Variants in KLHL32 observed in about 807,000 individuals in gnomAD.
KLHL32 encodes the protein kelch like family member 32.
In KLHL32, 35 loss-of-function variants were observed where a neutral mutation model predicts 64.8. That is an observed-to-expected ratio of 0.54 (90% CI 0.41 to 0.72). KLHL32 has a LOEUF of 0.72. Among genes scored for constraint, KLHL32 ranks in the 30% least tolerant of loss-of-function variants. The pLI is 0.00. For missense variants in KLHL32, 589 were observed against 768.5 expected (o/e 0.77, Z 2.76); for synonymous variants, 259 against 281.0 (o/e 0.92, Z 0.78).
At chr6:96,999,507 G>A in intron 3 of KLHL32, 1 of 964,952 alleles carries the variant, frequency 1.0e-6, no homozygotes, top group Non-Finnish European at 1.2e-6. Context: ...CACCATATTT[G>A]ATGGAATTTT....
chr6:97,001,297 T>C (rs1436934481), intron 3 of KLHL32, among the ~76,000 whole-genome samples: 8 of 152,312 alleles, frequency 5.3e-5, no homozygotes, highest in African/African-American at 1.9e-4. Context: ...CTCTATACTT[T>C]CTACTCAGTT....
chr6:97,103,624 T>C (rs1796035920), intron 6 of KLHL32, among the ~76,000 whole-genome samples: 1 of 152,252 alleles, frequency 6.6e-6, no homozygotes, highest in South Asian at 2.1e-4. Flanking sequence ...TATTATTCAG[T>C]TTCATGATAT....
chr6:97,041,116 G>T (rs1785048521), intron 3 of KLHL32, among the ~76,000 whole-genome samples: 1 of 152,220 alleles, frequency 6.6e-6, no homozygotes, highest in Non-Finnish European at 1.5e-5. Context: ...GAAGTCAGAA[G>T]ATGAAGGCTT....
chr6:97,113,666 A>C lies in KLHL32; in HGVS notation c.628-117A>C, dbSNP rs538105453. 22 of 1,313,920 alleles carry C rather than the reference A, an allele frequency of 1.7e-5. No individual in the cohort carries two copies. The East Asian group carries it at 5.1e-4, about 30-fold the overall frequency. The allele number at this position is 1,313,920 out of a possible 1,614,324, so 81.4% of individuals were successfully genotyped here. On this transcript the variant is annotated intron_variant, in intron 6 of 10. Transcript: ENST00000369261. ...AAAATATTCCAGTTATACTGTTTGTAAGAAAGTTTGTATTATTACCTGCCT... is the reference window on the plus strand; with the variant it reads ...AAAATATTCCAGTTATACTGTTTGTCAGAAAGTTTGTATTATTACCTGCCT...
chr6:97,082,389 G>A (rs537678161), intron 5 of KLHL32, among the ~76,000 whole-genome samples: 7 of 152,160 alleles, frequency 4.6e-5, no homozygotes, highest in East Asian at 1.9e-4. Context: ...CGAGGCGGGC[G>A]GATCATGAGG....
the KLHL32 span, among the ~76,000 whole-genome samples, chr6:96,900,193 A>G: frequency 6.6e-6 from 1 of 152,202 alleles, no homozygotes; most frequent in Non-Finnish European, 1.5e-5. Flanking sequence ...CACTTTGCTC[A>G]TCTTAAAATT....
chr6:97,081,420 A>C (rs1419288413), intron 5 of KLHL32, among the ~76,000 whole-genome samples: 2 of 152,234 alleles, frequency 1.3e-5, no homozygotes, highest in East Asian at 3.9e-4. Context: ...TTGCATATGA[A>C]AGCCGTTTGC....
intron 3 of KLHL32, among the ~76,000 whole-genome samples, chr6:97,011,910 T>C (rs1403584539): frequency 6.6e-6 from 1 of 152,248 alleles, no homozygotes; most frequent in East Asian, 1.9e-4. Flanking sequence ...GTCCTAGTTG[T>C]ATTCACATTT....
At chr6:97,124,508 T>C (rs1305272305) in intron 7 of KLHL32, among the ~76,000 whole-genome samples, 1 of 152,140 alleles carries the variant, frequency 6.6e-6, no homozygotes, top group African/African-American at 2.4e-5. Context: ...GGGGATGTAA[T>C]AGCTACATTC....
chr6:97,132,749 T>C lies in KLHL32; in HGVS notation c.1701+2T>C, dbSNP rs1562369528. 6.2e-7 allele frequency: 1 copy of C among 1,601,454 alleles called. No individual in the cohort carries two copies. The highest frequency in any genetic ancestry group is 2.2e-5 in the East Asian group (1 of 44,678). ...AATGAGCCTCTGGCTTGTATCCAGG[T>C]GAGTGGTAGAAGTTCCTTTTGAAGT... is the stretch of plus-strand genomic sequence containing the variant. On this transcript the variant is annotated splice_donor_variant, in intron 10 of 10. Coordinates refer to ENST00000369261, the MANE Select transcript of KLHL32 (RefSeq NM_052904.4). LOFTEE classifies it high-confidence loss of function.
intron 2 of KLHL32, among the ~76,000 whole-genome samples, chr6:96,974,171 C>T (rs1186013012): frequency 6.6e-6 from 1 of 152,044 alleles, no homozygotes; most frequent in Admixed American, 6.6e-5. Context: ...TGTTGTTGTG[C>T]AGATTACATG....
chr6:97,010,744 G>A (rs1780302876), intron 3 of KLHL32, among the ~76,000 whole-genome samples: 2 of 152,096 alleles, frequency 1.3e-5, no homozygotes, highest in Admixed American at 6.6e-5. Context: ...TGGCTTTTGG[G>A]AAATCAAGAA....
chr6:97,094,436 A>G (rs1191117861), intron 6 of KLHL32, among the ~76,000 whole-genome samples: 1 of 152,206 alleles, frequency 6.6e-6, no homozygotes, highest in Non-Finnish European at 1.5e-5. Context: ...TAACACCCTG[A>G]TTCAACACAC....
intron 5 of KLHL32, among the ~76,000 whole-genome samples, chr6:97,076,687 A>G (rs1334143482): frequency 6.6e-6 from 1 of 152,202 alleles, no homozygotes; most frequent in African/African-American, 2.4e-5. Flanking sequence ...GAAGACTAAG[A>G]TGGCAATGCA....
At chr6:96,986,763 C>T (rs113504813) in intron 3 of KLHL32, among the ~76,000 whole-genome samples, 1,683 of 152,314 alleles carry the variant, frequency 0.011, 41 homozygotes, top group African/African-American at 0.039. Context: ...TTCCAGGTGC[C>T]ATCTGTCACC....
At chr6:96,908,350 G>A in the KLHL32 span, among the ~76,000 whole-genome samples, 1 of 152,188 alleles carries the variant, frequency 6.6e-6, no homozygotes, top group African/African-American at 2.4e-5. Context: ...AGGTGTTCAA[G>A]AATAAACGTA....
At chr6:97,106,241 G>T (rs1796392076) in intron 6 of KLHL32, among the ~76,000 whole-genome samples, 1 of 152,042 alleles carries the variant, frequency 6.6e-6, no homozygotes, top group African/African-American at 2.4e-5. Flanking sequence ...AAATACATAT[G>T]ATTAAATTGC....
intron 6 of KLHL32, among the ~76,000 whole-genome samples, chr6:97,107,864 AT>A (rs1796622185): frequency 6.6e-6 from 1 of 152,212 alleles, no homozygotes; most frequent in South Asian, 2.1e-4. Context: ...TAAAAACCGA[AT>A]TTTCCATTTA....
At chr6:96,932,752 T>C (rs1770094847) in intron 1 of KLHL32, among the ~76,000 whole-genome samples, 1 of 151,970 alleles carries the variant, frequency 6.6e-6, no homozygotes, top group African/African-American at 2.4e-5. Flanking sequence ...AATTTTTTTG[T>C]AGAGATGGGT....
Sources: gnomAD v4.1 joint callset for allele counts (sites outside exome capture counted in the v4.1 genomes callset) on GRCh38, gnomAD v4.1.1 for gene constraint, MANE v1.5 for transcripts, NCBI Gene and HGNC (gene_info 2026-07-23, HGNC 2026-07-21) for gene names.